ABLIM1: variants seen among roughly 807,000 people sequenced by gnomAD.
ABLIM1 encodes actin binding LIM protein 1.
A neutral mutation model predicts 107.0 loss-of-function variants in ABLIM1; 40 were observed. That is an observed-to-expected ratio of 0.37 (90% CI 0.29 to 0.49). ABLIM1 has a LOEUF of 0.49. Ranked by LOEUF, ABLIM1 falls within the 20% of genes least tolerant of loss-of-function variation. ABLIM1 has a pLI of 0.97. For synonymous variants in ABLIM1, 357 were observed against 357.3 expected (o/e 1.00, Z 0.01); for missense variants, 857 against 1,008.5 (o/e 0.85, Z 2.04).
chr10:114,586,542 T>C (rs1039608574), intron 2 of ABLIM1, among the ~76,000 whole-genome samples: 30 of 152,230 alleles, frequency 2.0e-4, no homozygotes, highest in Non-Finnish European at 4.4e-5. Context: ...AGGAAATCAA[T>C]GATCAACTCT....
At chr10:114,653,989 A>G (rs1213382241) in intron 1 of ABLIM1, among the ~76,000 whole-genome samples, 1 of 152,246 alleles carries the variant, frequency 6.6e-6, no homozygotes, top group Non-Finnish European at 1.5e-5. Context: ...GGGATTGAGC[A>G]CCAGACAATA....
chr10:114,534,660 C>T (rs1205593599), intron 6 of ABLIM1, among the ~76,000 whole-genome samples: 1 of 152,120 alleles, frequency 6.6e-6, no homozygotes, highest in Non-Finnish European at 1.5e-5. Context: ...ATGTGGGGCT[C>T]CTAGCACATG....
At chr10:114,747,467 C>A (rs1029361243) in intron 1 of ABLIM1, among the ~76,000 whole-genome samples, 9 of 152,250 alleles carry the variant, frequency 5.9e-5, no homozygotes, top group African/African-American at 2.2e-4. Context: ...TGGTACACAT[C>A]ACAAAAAAGC....
intron 18 of ABLIM1, 26 bp downstream of exon 18, chr10:114,441,696 A>G: frequency 6.2e-7 from 1 of 1,605,064 alleles, no homozygotes; most frequent in Non-Finnish European, 8.5e-7. Flanking sequence ...TAAAGGCAGA[A>G]ACAATGAATC....
At chr10:114,789,245 A>G in the ABLIM1 span, among the ~76,000 whole-genome samples, 2 of 152,078 alleles carry the variant, frequency 1.3e-5, no homozygotes, top group Non-Finnish European at 2.9e-5. Context: ...ACGGAACAAG[A>G]CTCCGTCTCA....
At chr10:114,743,957 G>A (rs1309985624) in intron 1 of ABLIM1, among the ~76,000 whole-genome samples, 4 of 152,236 alleles carry the variant, frequency 2.6e-5, no homozygotes, top group Admixed American at 2.6e-4. Flanking sequence ...GACAAAGTGA[G>A]ACAAGAAGTT....
At chr10:114,457,569 C>A (rs1187689399) in intron 12 of ABLIM1, among the ~76,000 whole-genome samples, 1 of 152,104 alleles carries the variant, frequency 6.6e-6, no homozygotes, top group African/African-American at 2.4e-5. Flanking sequence ...CTGCACCTGG[C>A]CAATACCCTA....
At position 114,445,304 on chromosome 10, in the gene ABLIM1, G is replaced by T. The variant is rs1406631484; in HGVS notation, c.1827+8C>A. ...TGAAGACAGCAGCAAGGTAGTTTAA[G>T]GACAAACCTTCATTAATTGCTCTTC... On this transcript the variant is annotated splice_region_variant and intron_variant, in intron 16 of 22. Transcript: ENST00000533213. 2.0e-5 allele frequency: 32 copies of T among 1,613,040 alleles called. No individual in the cohort carries two copies. The highest frequency in any genetic ancestry group is 2.6e-5 in the Non-Finnish European group (31 of 1,179,120).
rs745875295 is a variant in ABLIM1 at position 114,634,129 on chromosome 10, CT to C, written c.244+23827del. Among the ~76,000 whole-genome samples, 98 of 68,284 alleles carry C rather than the reference CT, an allele frequency of 1.4e-3. 1 individual carries two copies. The highest frequency in any genetic ancestry group is 0.01 in the Middle Eastern group (1 of 96). 44.8% of individuals were successfully genotyped at this position (68,284 alleles called of 152,430 possible). A position where few individuals can be genotyped will look rare whatever the true frequency, so the allele number is the denominator to read the frequency against. ...CGTAAATGCCATTAGCTCAATTTTT[CT>C]TTTTTTTTTTTTTTTTTTTTGAGAC... is the stretch of plus-strand genomic sequence containing the variant. On this transcript the variant is annotated intron_variant, in intron 1 of 22. Coordinates refer to ENST00000533213, the MANE Select transcript of ABLIM1 (RefSeq NM_002313.7).
intron 2 of ABLIM1, among the ~76,000 whole-genome samples, chr10:114,600,865 G>A (rs1245259022): frequency 6.6e-6 from 1 of 152,006 alleles, no homozygotes. Flanking sequence ...TTTTTCCCCA[G>A]TTGGCCATGC....
chr10:114,598,909 G>A (rs1224278162), intron 2 of ABLIM1, among the ~76,000 whole-genome samples: 2 of 151,896 alleles, frequency 1.3e-5, no homozygotes, highest in African/African-American at 4.8e-5. Flanking sequence ...ACAGGTAAAC[G>A]TGTGCCAGCT....
chr10:114,555,836 CT>C (rs1265189309), intron 4 of ABLIM1, among the ~76,000 whole-genome samples: 2 of 151,886 alleles, frequency 1.3e-5, no homozygotes, highest in Non-Finnish European at 2.9e-5. Context: ...CCTTGGAATG[CT>C]TTTTTACAAT....
At chr10:114,541,168 A>G (rs1677173626) in intron 6 of ABLIM1, among the ~76,000 whole-genome samples, 2 of 152,048 alleles carry the variant, frequency 1.3e-5, no homozygotes, top group South Asian at 4.1e-4. Context: ...AGGCGAGGAA[A>G]GGCCCTTCAC....
rs573360155 is a variant in ABLIM1 at position 114,745,360 on chromosome 10, A to G, written c.-213+22701T>C. 6.6e-5 allele frequency among the ~76,000 whole-genome samples: 10 copies of G among 152,270 alleles called. No homozygotes were observed. The South Asian group carries it at 2.1e-3, about 32-fold the overall frequency. On this transcript the variant is annotated intron_variant, in intron 1 of 15. Transcript: ENST00000651092. The stretch of plus-strand genomic sequence containing the variant: ...CAGATCACCTGAGGTCAGGAGTTCA[A>G]GACCAGCCTGGCCAAAATGGTGAAA...
At chr10:114,758,743 G>T (rs2146804) in intron 1 of ABLIM1, among the ~76,000 whole-genome samples, 1 of 152,138 alleles carries the variant, frequency 6.6e-6, no homozygotes, top group African/African-American at 2.4e-5. Context: ...AGTTGAGAAA[G>T]AAAAGTATCA....
chr10:114,641,220 A>G (rs1233055918), intron 1 of ABLIM1, among the ~76,000 whole-genome samples: 2 of 146,198 alleles, frequency 1.4e-5, no homozygotes, highest in African/African-American at 2.5e-5. Flanking sequence ...CTGCTGCCAA[A>G]TGAGAAAGTC....
At chr10:114,544,921 G>C in intron 6 of ABLIM1, 84 bp downstream of exon 6, 1 of 1,237,646 alleles carries the variant, frequency 8.1e-7, no homozygotes, top group Non-Finnish European at 1.2e-6. Flanking sequence ...GATGGAGGAG[G>C]TGGGAAAGGG....
At chr10:114,697,883 A>G (rs2081228301) in intron 1 of ABLIM1, among the ~76,000 whole-genome samples, 1 of 152,192 alleles carries the variant, frequency 6.6e-6, no homozygotes, top group Non-Finnish European at 1.5e-5. Flanking sequence ...AGTGCTTTAA[A>G]GTAATGATTT....
chr10:114,501,944 T>C (rs1052053041), intron 6 of ABLIM1: 2 of 152,236 alleles, frequency 1.3e-5, no homozygotes, highest in African/African-American at 2.4e-5. Flanking sequence ...TATAGTATCA[T>C]ATGGAATAGT....
Sources: gnomAD v4.1 joint callset for allele counts (sites outside exome capture counted in the v4.1 genomes callset) on GRCh38, gnomAD v4.1.1 for gene constraint, MANE v1.5 for transcripts, NCBI Gene and HGNC (gene_info 2026-07-23, HGNC 2026-07-21) for gene names.